TIAM1: variants seen among roughly 807,000 people sequenced by gnomAD.
TIAM1 encodes the protein rho guanine nucleotide exchange factor TIAM1.
TIAM1 carries 65 observed loss-of-function variants against 163.5 expected under a neutral mutation model. The ratio of observed to expected loss-of-function variants is 0.40; its 90% CI spans 0.33 to 0.49. The LOEUF (loss-of-function observed/expected upper bound fraction) is 0.49. Ranked by LOEUF, TIAM1 falls within the 20% of genes least tolerant of loss-of-function variation. The pLI is 0.77. For missense variants in TIAM1, 1,789 were observed against 2,044.7 expected, an observed-to-expected ratio of 0.87 and a Z score of 2.41; for synonymous variants, 833 against 810.1, an observed-to-expected ratio of 1.03 and a Z score of -0.48.
intron 25 of TIAM1, among the ~76,000 whole-genome samples, chr21:31,128,700 C>T (rs1048310979): frequency 6.6e-6 from 1 of 152,174 alleles, no homozygotes; most frequent in Non-Finnish European, 1.5e-5. Context: ...AGTAAAAGGG[C>T]ATCCGGCAAA....
chr21:31,516,129 G>C (rs2047373759), intron 1 of TIAM1, among the ~76,000 whole-genome samples: 1 of 148,172 alleles, frequency 6.7e-6, no homozygotes, highest in Non-Finnish European at 1.5e-5. Context: ...AAAAAAATAG[G>C]GGCTGGGCAC....
intron 2 of TIAM1, among the ~76,000 whole-genome samples, chr21:31,373,001 G>A (rs1452224881): frequency 1.4e-5 from 2 of 147,680 alleles, no homozygotes; most frequent in Non-Finnish European, 3.0e-5. Flanking sequence ...GTTTCGGTGA[G>A]CCGAGATTGC....
chr21:31,327,486 A>C (rs2075528250), intron 2 of TIAM1, among the ~76,000 whole-genome samples: 1 of 151,848 alleles, frequency 6.6e-6, no homozygotes, highest in African/African-American at 2.4e-5. Context: ...TAAAAATAGA[A>C]AAAATTAGCC....
At chr21:31,269,262 T>C (rs921107803) in intron 3 of TIAM1, among the ~76,000 whole-genome samples, 1 of 152,218 alleles carries the variant, frequency 6.6e-6, no homozygotes, top group African/African-American at 2.4e-5. Context: ...GGGTCTGTTA[T>C]ATTAATAGCA....
chr21:31,529,277 A>C (rs1374665390), intron 1 of TIAM1, among the ~76,000 whole-genome samples: 5 of 152,118 alleles, frequency 3.3e-5, no homozygotes, highest in Non-Finnish European at 7.3e-5. Context: ...AGGTGGAAAA[A>C]AAAAGTCACA....
At chr21:31,458,010 C>T (rs908300102) in intron 2 of TIAM1, among the ~76,000 whole-genome samples, 2 of 152,206 alleles carry the variant, frequency 1.3e-5, no homozygotes, top group African/African-American at 2.4e-5. Flanking sequence ...TGTTACCCAA[C>T]TAAAACTGTA....
intron 2 of TIAM1, among the ~76,000 whole-genome samples, chr21:31,371,556 C>G (rs2076596394): frequency 6.6e-6 from 1 of 152,144 alleles, no homozygotes; most frequent in Non-Finnish European, 1.5e-5. Flanking sequence ...AAGTACTTTT[C>G]CAGTATGATT....
At chr21:31,174,338 C>G (rs1309242548) in intron 15 of TIAM1, among the ~76,000 whole-genome samples, 1 of 152,254 alleles carries the variant, frequency 6.6e-6, no homozygotes, top group Non-Finnish European at 1.5e-5. Context: ...CTTCGACTTT[C>G]ACGGCTATCA....
chr21:31,191,742 G>C (rs947882040), intron 13 of TIAM1, among the ~76,000 whole-genome samples: 3 of 152,116 alleles, frequency 2.0e-5, no homozygotes, highest in Admixed American at 1.3e-4. Flanking sequence ...CCCTCCTCAG[G>C]GGGTAAAAGT....
intron 16 of TIAM1, among the ~76,000 whole-genome samples, chr21:31,158,675 C>G (rs1320284246): frequency 6.6e-6 from 1 of 151,836 alleles, no homozygotes; most frequent in Admixed American, 6.6e-5. Context: ...ATTAAAATAA[C>G]ACCCCCCCAA....
At chr21:31,386,738 C>T (rs1240620420) in intron 2 of TIAM1, among the ~76,000 whole-genome samples, 4 of 152,094 alleles carry the variant, frequency 2.6e-5, no homozygotes, top group Non-Finnish European at 5.9e-5. Flanking sequence ...TTAGGGAGGG[C>T]ACGGGTGGAA....
intron 2 of TIAM1, among the ~76,000 whole-genome samples, chr21:31,396,583 T>C (rs1248100141): frequency 6.7e-6 from 1 of 148,624 alleles, no homozygotes; most frequent in African/African-American, 2.4e-5. Context: ...ATTAATATAA[T>C]AATATGAAAT....
At chr21:31,459,815 C>G (rs777589761) in intron 2 of TIAM1, among the ~76,000 whole-genome samples, 40 of 152,280 alleles carry the variant, frequency 2.6e-4, no homozygotes, top group South Asian at 1.2e-3. Context: ...GTGGTATACT[C>G]TCTCTCATAT....
chr21:31,219,298 C>A (rs558820855), intron 8 of TIAM1, among the ~76,000 whole-genome samples: 3 of 152,124 alleles, frequency 2.0e-5, no homozygotes, highest in African/African-American at 7.2e-5. Flanking sequence ...GCCACCCACC[C>A]GCTCGCCTTT....
At chr21:31,408,573 T>G (rs117007720) in intron 2 of TIAM1, among the ~76,000 whole-genome samples, 2,521 of 152,346 alleles carry the variant, frequency 0.017, 41 homozygotes, top group South Asian at 0.043. Flanking sequence ...TCCACTATCA[T>G]GCTATTGCTC....
rs1041845423 is a variant in TIAM1 at position 31,202,820 on chromosome 21, A to G, written c.2493+88T>C. 45 of 1,292,886 alleles carry G rather than the reference A, an allele frequency of 3.5e-5. No individual in the cohort carries two copies. The Admixed American group carries it at 8.3e-4, about 24-fold the overall frequency. 80.1% of individuals were successfully genotyped at this position (1,292,886 alleles called of 1,614,324 possible). On this transcript the variant is annotated intron_variant, in intron 12 of 27. Transcript: ENST00000541036. ...GCTCATTTATTTTTGAACTCGTTCC[A>G]CTCCACCAACTACAATTAACACGAG...
chr21:31,314,486 G>T (rs1023289361), intron 2 of TIAM1, among the ~76,000 whole-genome samples: 2 of 152,134 alleles, frequency 1.3e-5, no homozygotes, highest in African/African-American at 2.4e-5. Context: ...TGCTCCCACT[G>T]CCCTAAATAT....
intron 1 of TIAM1, among the ~76,000 whole-genome samples, chr21:31,536,804 C>G (rs2048150382): frequency 6.6e-6 from 1 of 152,178 alleles, no homozygotes; most frequent in South Asian, 2.1e-4. Flanking sequence ...AGGGAGACAG[C>G]TGACCTCCCA....
At chr21:31,181,864 A>T (rs1169762294) in intron 15 of TIAM1, among the ~76,000 whole-genome samples, 1 of 134,426 alleles carries the variant, frequency 7.4e-6, no homozygotes, top group Non-Finnish European at 1.5e-5. Flanking sequence ...AGCTTACTGC[A>T]GCCTCAAACT....
Sources: gnomAD v4.1 joint callset for allele counts (sites outside exome capture counted in the v4.1 genomes callset) on GRCh38, gnomAD v4.1.1 for gene constraint, MANE v1.5 for transcripts, NCBI Gene and HGNC (gene_info 2026-07-23, HGNC 2026-07-21) for gene names.